NEBL: variants seen among roughly 807,000 people sequenced by gnomAD.
NEBL encodes nebulette, also known as LIM and SH3 protein 2.
In NEBL, 122 loss-of-function variants were observed where a neutral mutation model predicts 140.2. The observed-to-expected ratio is 0.87, with a 90% confidence interval of 0.75 to 1.01. The LOEUF is 1.01. NEBL is among the 50% of genes least tolerant of loss of function. NEBL has a pLI of 0.00. For missense variants in NEBL, 1,365 were observed against 1,231.3 expected, an observed-to-expected ratio of 1.11 and a Z score of -1.62; for synonymous variants, 436 against 398.9, an observed-to-expected ratio of 1.09 and a Z score of -1.11.
At chr10:20,949,904 T>C (rs1055870520) in intron 4 of NEBL, among the ~76,000 whole-genome samples, 1 of 152,220 alleles carries the variant, frequency 6.6e-6, no homozygotes, top group African/African-American at 2.4e-5. Context: ...AAATAAGATG[T>C]ATAGCCTCTA....
intron 2 of NEBL, among the ~76,000 whole-genome samples, chr10:21,107,519 G>A (rs552906327): frequency 1.6e-4 from 25 of 152,222 alleles, no homozygotes; most frequent in African/African-American, 5.8e-4. Context: ...GGATGAAGCC[G>A]ACTTGATCAT....
chr10:20,974,184 C>T (rs150258455), intron 3 of NEBL, among the ~76,000 whole-genome samples: 1 of 152,244 alleles, frequency 6.6e-6, no homozygotes, highest in East Asian at 1.9e-4. Flanking sequence ...CTCTTCCCAT[C>T]CTATCATGCT....
rs772473788 is a variant in NEBL at position 20,880,846 on chromosome 10, T to C, written c.428A>G (p.Lys143Arg). The change falls in exon 5 of 28, where the codon AAG becomes AGG. Residue 143 changes from lysine (K) to arginine (R), a missense_variant. Coordinates refer to ENST00000377122, the MANE Select transcript of NEBL (RefSeq NM_006393.3). Reference protein sequence around the residue: ...AKGFSDYAHMKEPPEVKHAME... With the variant: ...AKGFSDYAHMREPPEVKHAME... The stretch of plus-strand genomic sequence containing the variant: ...GGCATGTTTAACCTCAGGGGGCTCC[T>C]TCATGTGGGCATAATCTGAGAATCC... 2 of 1,614,156 alleles carry C rather than the reference T, an allele frequency of 1.2e-6. No homozygotes were observed. The highest frequency in any genetic ancestry group is 1.7e-5 in the Admixed American group (1 of 60,018).
chr10:21,047,376 C>T lies in NEBL; in HGVS notation c.165-27175G>A, dbSNP rs551122284. On this transcript the variant is annotated intron_variant, in intron 2 of 6. Coordinates refer to the NEBL transcript ENST00000417816. ...GACAGTATCCAGTCAGGTACTTGAT[C>T]AGGAGAATGGGACAGAAAAAAACAA... 1.6e-3 allele frequency among the ~76,000 whole-genome samples: 250 copies of T among 152,184 alleles called. 1 individual carries two copies. The highest frequency in any genetic ancestry group is 5.5e-3 in the African/African-American group (227 of 41,518).
At chr10:20,889,648 T>C (rs1280138347) in intron 3 of NEBL, among the ~76,000 whole-genome samples, 197 bp downstream of exon 3, 1 of 152,186 alleles carries the variant, frequency 6.6e-6, no homozygotes, top group Non-Finnish European at 1.5e-5. Flanking sequence ...ATAAAATGTA[T>C]GAAGCATACA....
chr10:21,044,069 T>C (rs1238429678), intron 2 of NEBL, among the ~76,000 whole-genome samples: 2 of 152,054 alleles, frequency 1.3e-5, no homozygotes, highest in Non-Finnish European at 2.9e-5. Context: ...CCCTAAACAA[T>C]GCTCCATGGA....
chr10:21,054,403 C>T (rs1464124383), intron 2 of NEBL, among the ~76,000 whole-genome samples: 1 of 152,118 alleles, frequency 6.6e-6, no homozygotes, highest in South Asian at 2.1e-4. Context: ...CGGAACGTTC[C>T]AAGTCAACCG....
intron 9 of NEBL, among the ~76,000 whole-genome samples, chr10:20,854,821 T>A (rs1309919582): frequency 6.6e-6 from 1 of 152,040 alleles, no homozygotes; most frequent in East Asian, 1.9e-4. Context: ...TGCCTTGGCC[T>A]CCCAAAATGC....
At position 20,944,572 on chromosome 10, in the gene NEBL, G is replaced by T. The variant is rs1001825937; in HGVS notation, c.357+17100C>A. On this transcript the variant is annotated intron_variant, in intron 4 of 6. Transcript: ENST00000417816. ...TATGAGAACTAATGCAGCATGCAAG[G>T]CTAAAGGCATACATATTTATATGGG... Among the ~76,000 whole-genome samples the T allele has an allele frequency of 2.0e-5, 3 of 152,234 alleles. No individual in the cohort carries two copies. The South Asian group carries it at 6.2e-4, about 32-fold the overall frequency.
chr10:20,937,363 C>G (rs1387107496), intron 4 of NEBL, among the ~76,000 whole-genome samples: 1 of 152,144 alleles, frequency 6.6e-6, no homozygotes, highest in Non-Finnish European at 1.5e-5. Context: ...CAGATATTAT[C>G]ATTCCCATGA....
chr10:20,871,784 A>C lies in NEBL; in HGVS notation c.481-1943T>G, dbSNP rs566290631. ...AAAAGGAACATAAAAATAAGGCCGAAACTGAGTTATTTTGTTGGGTGGATT... is the reference window on the plus strand; with the variant it reads ...AAAAGGAACATAAAAATAAGGCCGACACTGAGTTATTTTGTTGGGTGGATT... On this transcript the variant is annotated intron_variant, in intron 5 of 27. Transcript: ENST00000377122. 4.6e-5 allele frequency among the ~76,000 whole-genome samples: 7 copies of C among 152,360 alleles called. No individual in the cohort carries two copies. In the South Asian group the frequency reaches 1.4e-3, roughly 32 times the overall value.
At chr10:20,901,847 T>C (rs545210461), upstream of NEBL, among the ~76,000 whole-genome samples, 25 of 152,316 alleles carry the variant, frequency 1.6e-4, no homozygotes, top group African/African-American at 5.8e-4. Flanking sequence ...AACTGGTATC[T>C]TCCCAGAACA....
rs1844575683 is a variant in NEBL at position 20,868,669 on chromosome 10, T to C, written c.679A>G (p.Ser227Gly). 6.2e-7 allele frequency: 1 copy of C among 1,600,758 alleles called. No homozygotes were observed. Among genetic ancestry groups the C allele is most frequent in the Non-Finnish European group, 8.6e-7 (1 of 1,168,108 alleles). ...EHAVEASKLS[S>G]QIKYKEKFDN... is the part of the protein sequence containing the mutation. Reference sequence around the variant, plus strand: ...AATCATCACTAAAGCCTTACTTGACTAGAAAGTTTAGAAGCTTCCACGGCA... The same window carrying C: ...AATCATCACTAAAGCCTTACTTGACCAGAAAGTTTAGAAGCTTCCACGGCA... The change falls in exon 7 of 28, where the codon AGT becomes GGT. Residue 227 changes from serine to glycine, a missense_variant. Coordinates refer to ENST00000377122, the MANE Select transcript of NEBL (RefSeq NM_006393.3).
chr10:20,857,929 G>T (rs1430036731), intron 9 of NEBL, among the ~76,000 whole-genome samples: 16 of 152,132 alleles, frequency 1.1e-4, no homozygotes, highest in Admixed American at 1.0e-3. Context: ...TTGAGAGCCT[G>T]AACTTCAAGT....
At chr10:21,089,920 T>C (rs994713591) in intron 2 of NEBL, among the ~76,000 whole-genome samples, 5 of 152,198 alleles carry the variant, frequency 3.3e-5, no homozygotes, top group African/African-American at 1.2e-4. Flanking sequence ...AATTTAAAAA[T>C]GATTACACAT....
chr10:20,880,762 G>T (rs182974344), intron 5 of NEBL, 32 bp downstream of exon 5: 4 of 1,504,584 alleles, frequency 2.7e-6, no homozygotes, highest in Non-Finnish European at 3.7e-6. Flanking sequence ...ACTACAGTTC[G>T]CTAGAAAATC....
At chr10:20,948,962 G>T (rs1481084898) in intron 4 of NEBL, among the ~76,000 whole-genome samples, 3 of 152,118 alleles carry the variant, frequency 2.0e-5, no homozygotes, top group East Asian at 1.9e-4. Context: ...AAACACATAT[G>T]TGCACTCTAC....
At chr10:20,802,243 A>G (rs2060914135) in intron 26 of NEBL, among the ~76,000 whole-genome samples, 1 of 152,250 alleles carries the variant, frequency 6.6e-6, no homozygotes. Flanking sequence ...AATGAACTAG[A>G]GGCAAACACA....
intron 1 of NEBL, among the ~76,000 whole-genome samples, chr10:21,267,938 A>G (rs1316588671): frequency 6.6e-6 from 1 of 152,010 alleles, no homozygotes; most frequent in African/African-American, 2.4e-5. Flanking sequence ...ATGCCTGAGC[A>G]CTCTTGTCAG....
Sources: gnomAD v4.1 joint callset for allele counts (sites outside exome capture counted in the v4.1 genomes callset) on GRCh38, gnomAD v4.1.1 for gene constraint, MANE v1.5 for transcripts, NCBI Gene and HGNC (gene_info 2026-07-23, HGNC 2026-07-21) for gene names.